Variants in WASF2 observed in about 807,000 individuals in gnomAD.
WASF2 encodes the protein actin-binding protein WASF2.
In WASF2, 14 loss-of-function variants were observed where a neutral mutation model predicts 45.0. The observed-to-expected ratio is 0.31, with a 90% CI of 0.21 to 0.49. WASF2 has a LOEUF of 0.49. Ranked by LOEUF, WASF2 falls within the 20% of genes least tolerant of loss-of-function variation. WASF2 has a pLI of 0.99. For missense variants in WASF2, 439 were observed against 636.1 expected (o/e 0.69, Z 3.33); for synonymous variants, 200 against 236.3 (o/e 0.85, Z 1.41).
chr1:27,413,183 C>T (rs1314355313), intron 6 of WASF2, among the ~76,000 whole-genome samples: 2 of 152,104 alleles, frequency 1.3e-5, no homozygotes, highest in East Asian at 3.9e-4. Flanking sequence ...GCTCGAAGGC[C>T]AAGGAGGCAC....
At chr1:27,454,080 A>G (rs932219343) in intron 1 of WASF2, among the ~76,000 whole-genome samples, 4 of 147,516 alleles carry the variant, frequency 2.7e-5, no homozygotes, top group Non-Finnish European at 5.9e-5. Flanking sequence ...CTAGAACTTC[A>G]TATGACTCTA....
intron 2 of WASF2, among the ~76,000 whole-genome samples, chr1:27,420,413 T>C (rs1168378359): frequency 6.6e-6 from 1 of 150,426 alleles, no homozygotes; most frequent in African/African-American, 2.4e-5. Context: ...CAAAGAAACA[T>C]AACAGCAATT....
intron 2 of WASF2, 131 bp downstream of exon 2, chr1:27,428,630 G>A: frequency 3.7e-6 from 5 of 1,366,520 alleles, no homozygotes; most frequent in Non-Finnish European, 4.1e-6. Context: ...GGGGAGGAGA[G>A]GGAGGATACA....
chr1:27,434,852 T>C (rs1329493057), intron 1 of WASF2, among the ~76,000 whole-genome samples: 1 of 152,218 alleles, frequency 6.6e-6, no homozygotes, highest in East Asian at 1.9e-4. Flanking sequence ...GTTAGTGCCA[T>C]GATGGCATTC....
intron 1 of WASF2, among the ~76,000 whole-genome samples, chr1:27,452,615 G>A (rs895394276): frequency 8.0e-5 from 12 of 149,574 alleles, no homozygotes; most frequent in African/African-American, 2.7e-4. Flanking sequence ...TCAGGAGTTC[G>A]AGACCAGCCT....
At chr1:27,440,816 AATGATGGACT>A (rs1353550823) in intron 1 of WASF2, among the ~76,000 whole-genome samples, 1 of 152,228 alleles carries the variant, frequency 6.6e-6, no homozygotes, top group Non-Finnish European at 1.5e-5. Context: ...CATTTCAGTC[AATGATGGACT>A]ATGATGGACC....
At position 27,481,124 on chromosome 1, in the gene WASF2, G is replaced by A. The variant is rs562132048; in HGVS notation, c.-44+8862C>T. 9.6e-5 allele frequency among the ~76,000 whole-genome samples: 14 copies of A among 146,014 alleles called. No individual in the cohort carries two copies. In the East Asian group the frequency reaches 2.2e-3, roughly 23 times the overall value. ...ATCCTAGCTTACATGGTGAAACCCC[G>A]TCTCTACTAAAAATACAAAAAAAAA... On this transcript the variant is annotated intron_variant, in intron 1 of 8. Coordinates refer to ENST00000618852, the MANE Select transcript of WASF2 (RefSeq NM_006990.5).
chr1:27,439,000 ATAAG>A (rs2017173563), intron 1 of WASF2, among the ~76,000 whole-genome samples: 1 of 152,200 alleles, frequency 6.6e-6, no homozygotes, highest in Admixed American at 6.5e-5. Flanking sequence ...AGAGGGAAAA[ATAAG>A]TATCTGTTCT....
chr1:27,483,438 T>C (rs1460105060), intron 1 of WASF2, among the ~76,000 whole-genome samples: 1 of 151,772 alleles, frequency 6.6e-6, no homozygotes, highest in African/African-American at 2.4e-5. Context: ...GCCATTGTTC[T>C]AGCCTGGGCA....
intron 2 of WASF2, among the ~76,000 whole-genome samples, chr1:27,420,936 C>T (rs777850612): frequency 2.0e-5 from 3 of 152,134 alleles, no homozygotes; most frequent in Non-Finnish European, 4.4e-5. Flanking sequence ...AGCTTCAAAA[C>T]TACATTTATG....
At position 27,408,338 on chromosome 1, in the gene WASF2, G is replaced by A; in HGVS notation, c.1348C>T (p.Leu450=). 2.5e-6 allele frequency: 4 copies of A among 1,614,210 alleles called. No homozygotes were observed. Among genetic ancestry groups the A allele is most frequent in the African/African-American group, 1.3e-5 (1 of 75,048 alleles). ...TCCCGCTGCTCCTCAACCCTGCGCA[G>A]CTGAAAACCTAGTGGCAAAGAGACA... ...LLSAIRQGFQ[L]RRVEEQREQE... Residue 450 remains leucine, a synonymous_variant, in exon 9 of 9, where the codon CTG becomes TTG. Transcript: ENST00000618852.
intron 1 of WASF2, among the ~76,000 whole-genome samples, chr1:27,448,401 G>C (rs1369016880): frequency 1.3e-5 from 2 of 152,170 alleles, no homozygotes; most frequent in African/African-American, 4.8e-5. Flanking sequence ...AGAATAAAGA[G>C]AGTTCCAAAT....
chr1:27,430,456 G>A (rs910947608), intron 1 of WASF2, among the ~76,000 whole-genome samples: 1 of 152,046 alleles, frequency 6.6e-6, no homozygotes, highest in East Asian at 1.9e-4. Context: ...CACCTACTGG[G>A]CTCAAGCGAT....
intron 5 of WASF2, among the ~76,000 whole-genome samples, chr1:27,415,316 T>C (rs1254511862): frequency 3.3e-5 from 5 of 152,232 alleles, no homozygotes; most frequent in South Asian, 2.1e-4. Context: ...AGATGAGATG[T>C]AATGAGACCT....
intron 8 of WASF2, 119 bp downstream of exon 8, chr1:27,409,573 A>G: frequency 7.6e-7 from 1 of 1,321,960 alleles, no homozygotes; most frequent in Non-Finnish European, 9.7e-7. Flanking sequence ...ATCTCTCCCC[A>G]CCCAATGAAA....
chr1:27,450,058 T>C (rs910362071), intron 1 of WASF2, among the ~76,000 whole-genome samples: 6 of 151,928 alleles, frequency 3.9e-5, no homozygotes, highest in African/African-American at 1.5e-4. Flanking sequence ...GCAGGAGAAT[T>C]GCTTGAATCC....
chr1:27,409,447 A>AG (rs1557594377), intron 8 of WASF2, among the ~76,000 whole-genome samples: 1 of 148,766 alleles, frequency 6.7e-6, no homozygotes, highest in African/African-American at 2.5e-5. Flanking sequence ...AAAAAAAAAA[A>AG]AAAAAAAAAG....
chr1:27,473,902 C>A (rs2017728612), intron 1 of WASF2, among the ~76,000 whole-genome samples: 1 of 152,178 alleles, frequency 6.6e-6, no homozygotes, highest in African/African-American at 2.4e-5. Context: ...AGGATGCCAT[C>A]CCATCAATCA....
At chr1:27,487,524 A>T (rs1428275809) in intron 1 of WASF2, among the ~76,000 whole-genome samples, 3 of 109,626 alleles carry the variant, frequency 2.7e-5, no homozygotes, top group Non-Finnish European at 5.2e-5. Flanking sequence ...TATTATATAT[A>T]TTTTATACAA....
Sources: allele counts gnomAD v4.1 joint callset (sites outside exome capture counted in the v4.1 genomes callset), GRCh38; gene constraint gnomAD v4.1.1; transcripts MANE v1.5; gene names NCBI Gene and HGNC (gene_info 2026-07-23, HGNC 2026-07-21).